RAP1GAP: variants seen among roughly 807,000 people sequenced by gnomAD.
RAP1GAP encodes rap1 GTPase-activating protein 1.
In RAP1GAP, 35 loss-of-function variants were observed where a neutral mutation model predicts 87.2. That is an observed-to-expected ratio of 0.40 (90% confidence interval 0.31 to 0.53). The LOEUF is 0.53. RAP1GAP is among the 20% of genes least tolerant of loss of function. The pLI, the probability that RAP1GAP is intolerant of heterozygous loss-of-function variation, is 0.48. For synonymous variants in RAP1GAP, 375 were observed against 363.9 expected (o/e 1.03, Z -0.35); for missense variants, 734 against 898.9 (o/e 0.82, Z 2.35).
Position 21,609,675 on chromosome 1 carries a change from G to A in RAP1GAP, c.1000-29C>T. ...GAAGGGAGGGCAGCTGTCTGTTCCT[G>A]TGGAGCCTGGGGTCTGCTCTGCCCC... On this transcript the variant is annotated intron_variant, in intron 14 of 24. Coordinates refer to ENST00000374765, the MANE Select transcript of RAP1GAP (RefSeq NM_002885.4). This position sits in a 1 kb window ranked among gnomAD's most constrained non-coding sequence, Gnocchi z 4.4. 1.3e-6 allele frequency: 2 copies of A among 1,523,414 alleles called. No individual in the cohort carries two copies. The highest frequency in any genetic ancestry group is 2.7e-5 in the South Asian group (2 of 73,940). 94.4% of individuals were successfully genotyped at this position (1,523,414 alleles called of 1,614,324 possible).
At position 21,665,611 on chromosome 1, in the gene RAP1GAP, C is replaced by T. The variant is rs532208703; in HGVS notation, c.-149+3643G>A. 7.2e-5 allele frequency among the ~76,000 whole-genome samples: 11 copies of T among 152,360 alleles called. No homozygotes were observed. The South Asian group carries it at 2.3e-3, about 32-fold the overall frequency. On this transcript the variant is annotated intron_variant, in intron 1 of 24. Coordinates refer to ENST00000374765, the MANE Select transcript of RAP1GAP (RefSeq NM_002885.4). Reference sequence around the variant, plus strand: ...TTGGGGTGTCTCCCCACCAGCACTCCTCTGCCTCTTTTCCCTTCTTCCTCT... The same window carrying T: ...TTGGGGTGTCTCCCCACCAGCACTCTTCTGCCTCTTTTCCCTTCTTCCTCT...
chr1:21,610,699 G>T (rs955088129), intron 13 of RAP1GAP, among the ~76,000 whole-genome samples: 15 of 152,242 alleles, frequency 9.9e-5, no homozygotes, highest in African/African-American at 3.4e-4. Context: ...AGGTCTCTTG[G>T]TCCCCAGACC....
chr1:21,636,163 A>C (rs1198476392), intron 2 of RAP1GAP, among the ~76,000 whole-genome samples: 2 of 152,224 alleles, frequency 1.3e-5, no homozygotes, highest in South Asian at 2.1e-4. Context: ...AATAAATTAC[A>C]GGCTCCTGCC....
chr1:21,642,710 G>A (rs1234712434), intron 2 of RAP1GAP, among the ~76,000 whole-genome samples: 2 of 152,092 alleles, frequency 1.3e-5, no homozygotes, highest in Non-Finnish European at 2.9e-5. Flanking sequence ...TCCCAGCAGG[G>A]CCTACAGGGA....
chr1:21,633,633 C>T lies in RAP1GAP; in HGVS notation c.-112-7236G>A, dbSNP rs545231094. Among the ~76,000 whole-genome samples the T allele has an allele frequency of 1.1e-4, 17 of 151,184 alleles. No homozygotes were observed. The East Asian group carries it at 1.9e-3, about 17-fold the overall frequency. ...TGCACACAGGCTGGGAGACCGGACA[C>T]GGAAAGAGGGAGTGGTCTGGAAGGG... is the stretch of plus-strand genomic sequence containing the variant. On this transcript the variant is annotated intron_variant, in intron 2 of 24. Transcript: ENST00000374765.
At chr1:21,645,764 T>G (rs1252081211) in intron 2 of RAP1GAP, among the ~76,000 whole-genome samples, 2 of 152,090 alleles carry the variant, frequency 1.3e-5, no homozygotes, top group Admixed American at 6.5e-5. Context: ...GCATAATAGA[T>G]GAGGAGGCCC....
chr1:21,603,523 C>G lies in RAP1GAP; in HGVS notation c.1429-610G>C. On this transcript the variant is annotated intron_variant, in intron 18 of 24. Coordinates refer to ENST00000374765, the MANE Select transcript of RAP1GAP (RefSeq NM_002885.4). The surrounding 1 kb of genome is among the most constrained non-coding windows in gnomAD (Gnocchi z 6.0). ...GAGAGGGATGGCGCTCCATGCAGAC[C>G]GGCGATATTGGGGGACGTGCGGCTG... 2 of 603,078 alleles carry G rather than the reference C, an allele frequency of 3.3e-6. No homozygotes were observed. The highest frequency in any genetic ancestry group is 6.0e-6 in the Non-Finnish European group (2 of 335,930). The allele number at this position is 603,078 out of a possible 1,614,324, so 37.4% of individuals were successfully genotyped here.
At chr1:21,599,649 C>A (rs2066547085) in intron 20 of RAP1GAP, 32 bp from the exon 21 acceptor site, 1 of 1,585,556 alleles carries the variant, frequency 6.3e-7, no homozygotes, top group Non-Finnish European at 8.5e-7. Context: ...TAGCCGGTGT[C>A]CACCCCGAGC....
rs1030617095 is a variant in RAP1GAP at position 21,622,039 on chromosome 1, C to T, written c.-18-1989G>A. ...AAGTGGCCCTGGAGCATTCAGAGCC[C>T]CCCAAACGGGGCAGGGGCAGGGTAA... On this transcript the variant is annotated intron_variant, in intron 3 of 24. Coordinates refer to ENST00000374765, the MANE Select transcript of RAP1GAP (RefSeq NM_002885.4). This position sits in a 1 kb window ranked among gnomAD's most constrained non-coding sequence, Gnocchi z 5.7. Among the ~76,000 whole-genome samples the T allele has an allele frequency of 6.6e-6, 1 of 152,160 alleles. No individual in the cohort carries two copies. The highest frequency in any genetic ancestry group is 1.5e-5 in the Non-Finnish European group (1 of 68,018).
intron 2 of RAP1GAP, among the ~76,000 whole-genome samples, chr1:21,637,985 A>AAC (rs2095046309): frequency 6.7e-6 from 1 of 149,890 alleles, no homozygotes; most frequent in South Asian, 2.1e-4. Context: ...AAAAAAAAAA[A>AAC]AAAAAAACCA....
At chr1:21,657,150 G>A (rs563010398) in intron 1 of RAP1GAP, among the ~76,000 whole-genome samples, 1 of 152,222 alleles carries the variant, frequency 6.6e-6, no homozygotes, top group South Asian at 2.1e-4. Flanking sequence ...ACTCATGCCT[G>A]TAGAGATCAC....
intron 18 of RAP1GAP, among the ~76,000 whole-genome samples, chr1:21,604,638 G>A (rs1313204096): frequency 1.3e-5 from 2 of 152,104 alleles, no homozygotes; most frequent in Non-Finnish European, 2.9e-5. Context: ...TGGGTTGGGG[G>A]AGGTTGGGCC....
At chr1:21,618,883 C>A in intron 5 of RAP1GAP, 142 bp downstream of exon 5, 2 of 910,752 alleles carry the variant, frequency 2.2e-6, no homozygotes, top group East Asian at 2.8e-5. Flanking sequence ...AGCTGTGCCT[C>A]CCCCCCTACC....
At chr1:21,648,827 A>G (rs2096311879) in intron 2 of RAP1GAP, among the ~76,000 whole-genome samples, 1 of 152,200 alleles carries the variant, frequency 6.6e-6, no homozygotes, top group South Asian at 2.1e-4. Flanking sequence ...TCAAAGGGAA[A>G]TAGAAAGGCA....
chr1:21,599,323 G>A (rs974727318), intron 21 of RAP1GAP, among the ~76,000 whole-genome samples, 171 bp downstream of exon 21: 3 of 152,162 alleles, frequency 2.0e-5, no homozygotes, highest in Admixed American at 6.5e-5. Flanking sequence ...CTGGGGAGCC[G>A]TGGAAGGCTT....
At chr1:21,605,420 T>C (rs1176748809) in intron 18 of RAP1GAP, among the ~76,000 whole-genome samples, 3 of 152,148 alleles carry the variant, frequency 2.0e-5, no homozygotes, top group Admixed American at 1.3e-4. Flanking sequence ...ATCTAGGGCT[T>C]ATCACACACG....
intron 1 of RAP1GAP, among the ~76,000 whole-genome samples, chr1:21,659,182 G>A (rs2096993317): frequency 6.6e-6 from 1 of 152,084 alleles, no homozygotes; most frequent in Non-Finnish European, 1.5e-5. Context: ...TGGGATAACA[G>A]GCGTGAACCA....
In RAP1GAP at chr1:21,669,323, T is replaced by A; in HGVS notation, c.-218A>T. 2 of 1,100,748 alleles carry A rather than the reference T, an allele frequency of 1.8e-6. No individual in the cohort carries two copies. Among genetic ancestry groups the A allele is most frequent in the Non-Finnish European group, 2.2e-6 (2 of 899,554 alleles). 68.2% of individuals were successfully genotyped at this position (1,100,748 alleles called of 1,614,324 possible). A position where few individuals can be genotyped will look rare whatever the true frequency, so the allele number is the denominator to read the frequency against. On this transcript the variant is annotated 5_prime_UTR_variant, in exon 1 of 25. Coordinates refer to ENST00000374765, the MANE Select transcript of RAP1GAP (RefSeq NM_002885.4). This position sits in a 1 kb window ranked among gnomAD's most constrained non-coding sequence, Gnocchi z 5.6. ...CCCGCGGCCGCCGCTGCAGCTCTGC[T>A]CAGATGCGGCCGGCGCTCGCCGCCG...
chr1:21,613,600 G>A lies in RAP1GAP; in HGVS notation c.474+28C>T, dbSNP rs545983588. On this transcript the variant is annotated intron_variant, in intron 9 of 24. Coordinates refer to ENST00000374765, the MANE Select transcript of RAP1GAP (RefSeq NM_002885.4). The surrounding 1 kb of genome is among the most constrained non-coding windows in gnomAD (Gnocchi z 4.7). Reference sequence around the variant, plus strand: ...AGGTGCCCATCTGCGGAGCCAGCCCGGGAAGCTCAGCGGAGCGGAGACCTC... The same window carrying A: ...AGGTGCCCATCTGCGGAGCCAGCCCAGGAAGCTCAGCGGAGCGGAGACCTC... 1.9e-5 allele frequency: 30 copies of A among 1,587,790 alleles called. No individual in the cohort carries two copies. The highest frequency in any genetic ancestry group is 1.7e-4 in the African/African-American group (13 of 74,342).
Sources: allele counts gnomAD v4.1 joint callset (sites outside exome capture counted in the v4.1 genomes callset), GRCh38; gene constraint gnomAD v4.1.1; non-coding constraint Gnocchi (gnomAD v3.1); transcripts MANE v1.5; gene names NCBI Gene and HGNC (gene_info 2026-07-23, HGNC 2026-07-21).